ASTN2: variants seen among roughly 807,000 people sequenced by gnomAD.
ASTN2 encodes astrotactin-2.
ASTN2 carries 54 observed loss-of-function variants against 139.8 expected under a neutral mutation model. The ratio of observed to expected loss-of-function variants is 0.39; its 90% CI spans 0.31 to 0.48. ASTN2 has a LOEUF of 0.48. Ranked by LOEUF, ASTN2 falls within the 20% of genes least tolerant of loss-of-function variation. ASTN2 has a pLI of 0.95. For synonymous variants in ASTN2, 756 were observed against 719.5 expected (o/e 1.05, Z -0.81); for missense variants, 1,565 against 1,725.1 (o/e 0.91, Z 1.64).
At chr9:116,981,775 GA>G (rs1458056651) in intron 7 of ASTN2, among the ~76,000 whole-genome samples, 1 of 152,152 alleles carries the variant, frequency 6.6e-6, no homozygotes, top group African/African-American at 2.4e-5. Flanking sequence ...AAATGAATTT[GA>G]AATACCCTTA....
At chr9:117,147,571 T>C (rs1830229392) in intron 3 of ASTN2, among the ~76,000 whole-genome samples, 1 of 152,194 alleles carries the variant, frequency 6.6e-6, no homozygotes, top group Admixed American at 6.5e-5. Context: ...GCTCGCCCTC[T>C]TCAATTTTTT....
chr9:117,170,538 A>G (rs1471879595), intron 3 of ASTN2, among the ~76,000 whole-genome samples: 27 of 152,158 alleles, frequency 1.8e-4, no homozygotes, highest in Admixed American at 1.8e-3. Context: ...GCTTTGTCAG[A>G]TGATGCTAAA....
chr9:117,413,259 T>C (rs1203460348), intron 1 of ASTN2, among the ~76,000 whole-genome samples: 1 of 152,028 alleles, frequency 6.6e-6, no homozygotes, highest in African/African-American at 2.4e-5. Flanking sequence ...ATTCTGTGGG[T>C]CTTTTCAGGC....
At chr9:116,566,731 C>T (rs1004875785) in intron 19 of ASTN2, among the ~76,000 whole-genome samples, 2 of 152,158 alleles carry the variant, frequency 1.3e-5, no homozygotes, top group Non-Finnish European at 2.9e-5. Context: ...CTGTTCCTAG[C>T]CAACGACTGG....
chr9:117,363,136 T>G (rs1478561051), intron 1 of ASTN2, among the ~76,000 whole-genome samples: 2 of 152,158 alleles, frequency 1.3e-5, no homozygotes, highest in Admixed American at 1.3e-4. Context: ...AATGCTCTAC[T>G]GTTACCTCTT....
At chr9:117,286,356 T>TC (rs1564126723) in intron 2 of ASTN2, among the ~76,000 whole-genome samples, 1 of 148,004 alleles carries the variant, frequency 6.8e-6, no homozygotes. Flanking sequence ...CCCACTTTCT[T>TC]TTTTTTTTTT....
intron 16 of ASTN2, among the ~76,000 whole-genome samples, chr9:116,690,810 A>G (rs779669603): frequency 6.6e-6 from 1 of 152,212 alleles, no homozygotes; most frequent in Non-Finnish European, 1.5e-5. Flanking sequence ...CATGGTTATT[A>G]TGAGACTATG....
chr9:116,490,513 A>G (rs1436517390), intron 19 of ASTN2, among the ~76,000 whole-genome samples: 1 of 152,100 alleles, frequency 6.6e-6, no homozygotes, highest in Non-Finnish European at 1.5e-5. Flanking sequence ...TGAGTGTATT[A>G]GTCATTATCA....
At chr9:116,537,523 A>G (rs1348349577) in intron 19 of ASTN2, among the ~76,000 whole-genome samples, 2 of 152,202 alleles carry the variant, frequency 1.3e-5, no homozygotes, top group Non-Finnish European at 1.5e-5. Context: ...TGTGGTAGGA[A>G]CCCTGGGAAC....
At chr9:117,324,993 G>T (rs1290811317) in intron 1 of ASTN2, among the ~76,000 whole-genome samples, 1 of 152,164 alleles carries the variant, frequency 6.6e-6, no homozygotes. Context: ...GGCCCCTAAA[G>T]CTGGGAATTC....
intron 20 of ASTN2, among the ~76,000 whole-genome samples, chr9:116,457,582 A>T (rs955543882): frequency 6.6e-6 from 1 of 152,190 alleles, no homozygotes; most frequent in Non-Finnish European, 1.5e-5. Flanking sequence ...ACAAATGGCA[A>T]ACAGGTATAT....
At chr9:117,307,325 C>A (rs1835026668) in intron 1 of ASTN2, among the ~76,000 whole-genome samples, 1 of 152,162 alleles carries the variant, frequency 6.6e-6, no homozygotes, top group Non-Finnish European at 1.5e-5. Flanking sequence ...TGAATACAGA[C>A]AATAATGCTA....
chr9:116,999,548 C>CTTTTTTTTTTTTTTTTTT (rs71379248), intron 7 of ASTN2, among the ~76,000 whole-genome samples: 5 of 94,918 alleles, frequency 5.3e-5, no homozygotes, highest in East Asian at 3.2e-4. Context: ...TTCTCTCTTT[C>CTTTTTTTTTTTTTTTTTT]TTTTTTTTTT....
intron 17 of ASTN2, among the ~76,000 whole-genome samples, chr9:116,632,252 G>GAAAGGAAAGAAAGAAA (rs1856833378): frequency 1.4e-5 from 1 of 70,916 alleles, no homozygotes; most frequent in Non-Finnish European, 2.5e-5. Context: ...AAAGAAAGAA[G>GAAAGGAAAGAAAGAAA]GAAAGAAAGA....
intron 16 of ASTN2, chr9:116,686,691 G>C: frequency 1.3e-6 from 2 of 1,550,266 alleles, no homozygotes; most frequent in African/African-American, 1.4e-5. Flanking sequence ...TTGGGTTCCC[G>C]GGTACCTTCA....
At chr9:117,259,267 T>C (rs1833764857) in intron 2 of ASTN2, among the ~76,000 whole-genome samples, 1 of 152,166 alleles carries the variant, frequency 6.6e-6, no homozygotes, top group Non-Finnish European at 1.5e-5. Flanking sequence ...TATTCACTCA[T>C]CCCTGCTTTC....
chr9:116,624,561 T>C (rs2131840648), intron 17 of ASTN2, among the ~76,000 whole-genome samples: 1 of 152,318 alleles, frequency 6.6e-6, no homozygotes, highest in Non-Finnish European at 1.5e-5. Context: ...TTTTAAACTT[T>C]AGGTAAACAC....
intron 1 of ASTN2, among the ~76,000 whole-genome samples, chr9:117,390,948 G>C (rs1368379853): frequency 6.6e-6 from 1 of 152,128 alleles, no homozygotes; most frequent in Non-Finnish European, 1.5e-5. Flanking sequence ...GATTTAATTG[G>C]CCTAAGGTAG....
intron 20 of ASTN2, among the ~76,000 whole-genome samples, chr9:116,477,365 G>C (rs1331730941): frequency 6.6e-6 from 1 of 151,964 alleles, no homozygotes; most frequent in African/African-American, 2.4e-5. Context: ...CCAGGCTGCC[G>C]TACTTGCCCC....
Sources: allele counts gnomAD v4.1 joint callset (sites outside exome capture counted in the v4.1 genomes callset), GRCh38; gene constraint gnomAD v4.1.1; transcripts MANE v1.5; gene names NCBI Gene and HGNC (gene_info 2026-07-23, HGNC 2026-07-21).